Variants in PARP8 observed in about 807,000 individuals in gnomAD.
The protein encoded by PARP8 is poly(ADP-ribose) polymerase family member 8, also known as protein mono-ADP-ribosyltransferase PARP8.
Under a neutral mutation model 124.1 loss-of-function variants are expected in PARP8, and 51 were observed. The ratio of observed to expected loss-of-function variants is 0.41; its 90% CI spans 0.33 to 0.52. The LOEUF is 0.52. PARP8 is among the 20% of genes least tolerant of loss of function. The pLI, the probability that PARP8 is intolerant of heterozygous loss-of-function variation, is 0.21. For missense variants in PARP8, 860 were observed against 1,018.9 expected (o/e 0.84, Z 2.12); for synonymous variants, 391 against 361.5 (o/e 1.08, Z -0.93).
At chr5:50,698,079 G>A (rs1451321479) in intron 2 of PARP8, among the ~76,000 whole-genome samples, 1 of 152,126 alleles carries the variant, frequency 6.6e-6, no homozygotes, top group Admixed American at 6.5e-5. Context: ...TACACATTTA[G>A]ATATGACTAT....
intron 12 of PARP8, among the ~76,000 whole-genome samples, chr5:50,796,248 G>T (rs570910134): frequency 6.6e-6 from 1 of 152,126 alleles, no homozygotes; most frequent in South Asian, 2.1e-4. Context: ...TAAACACTCA[G>T]CAAGAGATGA....
At chr5:50,721,170 G>C (rs907911835) in intron 2 of PARP8, among the ~76,000 whole-genome samples, 1 of 151,556 alleles carries the variant, frequency 6.6e-6, no homozygotes, top group Non-Finnish European at 1.5e-5. Flanking sequence ...ATAGCCTTCA[G>C]TGTGAAACTT....
intron 2 of PARP8, among the ~76,000 whole-genome samples, chr5:50,701,845 T>G (rs1164629505): frequency 1.3e-5 from 2 of 152,160 alleles, no homozygotes; most frequent in Non-Finnish European, 2.9e-5. Context: ...TTAGAAATTC[T>G]TCGTTTCTTA....
At position 50,794,933 on chromosome 5, in the gene PARP8, A is replaced by G. The variant is rs1171277291; in HGVS notation, c.944A>G (p.His315Arg). ...GAGCAGGACGGAATCTCCAAAACGCATAAGCTGCTGCGGAGGACTTGTTCC... is the reference window on the plus strand; with the variant it reads ...GAGCAGGACGGAATCTCCAAAACGCGTAAGCTGCTGCGGAGGACTTGTTCC... ...KSEQDGISKTHKLLRRTCSST... is the reference protein window; with the variant it reads ...KSEQDGISKTRKLLRRTCSST... Residue 315 changes from histidine (H) to arginine (R), a missense_variant, in exon 12 of 26, where the codon CAT becomes CGT. Physicochemically the swap from His to Arg is conservative, Grantham distance 29 (BLOSUM62 0). This residue lies in a region of PARP8 where 517 missense variants were observed against 544.2 expected (regional missense o/e 0.95). Coordinates refer to ENST00000281631, the MANE Select transcript of PARP8 (RefSeq NM_024615.4). 3.1e-6 allele frequency: 5 copies of G among 1,614,102 alleles called. No individual in the cohort carries two copies. In the African/African-American group the frequency reaches 5.3e-5, roughly 17 times the overall value.
intron 25 of PARP8, among the ~76,000 whole-genome samples, chr5:50,841,659 C>T (rs934075066): frequency 3.3e-5 from 5 of 151,532 alleles, no homozygotes; most frequent in Admixed American, 6.6e-5. Context: ...TAGTAGACTT[C>T]GTAGCAGCTG....
intron 3 of PARP8, among the ~76,000 whole-genome samples, chr5:50,756,057 C>T (rs1403280505): frequency 2.6e-5 from 4 of 152,120 alleles, no homozygotes; most frequent in Admixed American, 6.5e-5. Context: ...GCTGAAGTTG[C>T]TTATCAGCTT....
At chr5:50,777,980 G>A in intron 7 of PARP8, 89 bp from the exon 8 acceptor site, 1 of 943,636 alleles carries the variant, frequency 1.1e-6, no homozygotes, top group South Asian at 1.5e-5. Flanking sequence ...GAGAATTAGT[G>A]ATTTAAAATT....
rs1271939113 is a variant in PARP8, at chr5:50,759,674, T to A, written c.216T>A (p.Asp72Glu). ...CATATGTGTCAAGTTCAGAGAATGA[T>A]GAAGATGTGCTAGTTACTACAGAGC... Reference protein sequence around the residue: ...DNTYVSSSENDEDVLVTTEPI... With the variant: ...DNTYVSSSENEEDVLVTTEPI... Residue 72 changes from aspartate (D) to glutamate (E), a missense_variant, in exon 4 of 26, where the codon GAT becomes GAA. By Grantham distance (45) the Asp-to-Glu change is conservative. Around this residue, in one of 2 missense-constraint regions of PARP8, gnomAD observed 517 missense variants for 544.2 expected, o/e 0.95. Transcript: ENST00000281631. 2 of 1,577,600 alleles carry A rather than the reference T, an allele frequency of 1.3e-6. No homozygotes were observed. Among genetic ancestry groups the A allele is most frequent in the Admixed American group, 3.8e-5 (2 of 53,158 alleles).
At chr5:50,720,953 G>T (rs1412839953) in intron 2 of PARP8, among the ~76,000 whole-genome samples, 4 of 151,880 alleles carry the variant, frequency 2.6e-5, no homozygotes, top group Admixed American at 2.6e-4. Context: ...GAAACCTTCA[G>T]CTTGGAGCCC....
intron 2 of PARP8, among the ~76,000 whole-genome samples, chr5:50,705,934 C>G (rs903782307): frequency 6.6e-6 from 1 of 152,132 alleles, no homozygotes; most frequent in African/African-American, 2.4e-5. Flanking sequence ...GGTTTTCACC[C>G]ATTTATCATG....
chr5:50,739,728 ATATAT>A (rs1475381495), intron 2 of PARP8, among the ~76,000 whole-genome samples: 20 of 59,320 alleles, frequency 3.4e-4, no homozygotes, highest in African/African-American at 8.3e-4. Flanking sequence ...ATATATATAT[ATATAT>A]TTTTTTTTTT....
chr5:50,832,875 A>T, intron 23 of PARP8, 21 bp downstream of exon 23: 2 of 1,608,562 alleles, frequency 1.2e-6, no homozygotes, highest in Non-Finnish European at 8.5e-7. Context: ...GACTTTAGTG[A>T]CTGCTTATGA....
chr5:50,670,843 G>A (rs1355137533), intron 2 of PARP8, among the ~76,000 whole-genome samples: 2 of 152,180 alleles, frequency 1.3e-5, no homozygotes, highest in African/African-American at 2.4e-5. Flanking sequence ...AAAAAATTAT[G>A]TAGAGACATA....
intron 7 of PARP8, among the ~76,000 whole-genome samples, chr5:50,764,832 G>C (rs901857429): frequency 2.0e-5 from 3 of 147,450 alleles, no homozygotes; most frequent in Non-Finnish European, 3.0e-5. Flanking sequence ...TTTTTTAACA[G>C]TAATTGAACT....
chr5:50,747,150 G>GTTTTTTTT lies in PARP8; in HGVS notation c.147-2998_147-2997insTTTTTTTT, dbSNP rs1561320439. ...TACTTATTCAGTTATGGTTTTTTTTGTTTGTTTGTTTTGTTTTTTTTTTTT... is the reference window on the plus strand; with the variant it reads ...TACTTATTCAGTTATGGTTTTTTTTGTTTTTTTTTTTGTTTGTTTTGTTTTTTTTTTTT... On this transcript the variant is annotated intron_variant, in intron 2 of 25. Coordinates refer to ENST00000281631, the MANE Select transcript of PARP8 (RefSeq NM_024615.4). 2.0e-3 allele frequency among the ~76,000 whole-genome samples: 77 copies of GTTTTTTTT among 38,458 alleles called. 2 individuals are homozygous for GTTTTTTTT. Among genetic ancestry groups the GTTTTTTTT allele is most frequent in the African/African-American group, 5.1e-3 (73 of 14,356 alleles). The allele number at this position is 38,458 out of a possible 152,430, so 25.2% of individuals were successfully genotyped here. A position where few individuals can be genotyped will look rare whatever the true frequency, so the allele number is the denominator to read the frequency against.
chr5:50,744,162 C>G (rs909696050), intron 2 of PARP8, among the ~76,000 whole-genome samples: 2 of 152,174 alleles, frequency 1.3e-5, no homozygotes, highest in African/African-American at 2.4e-5. Context: ...AAGATTCTTT[C>G]ATCTTCAAGC....
At chr5:50,799,845 A>G (rs1291769025) in intron 14 of PARP8, among the ~76,000 whole-genome samples, 1 of 152,164 alleles carries the variant, frequency 6.6e-6, no homozygotes, top group Admixed American at 6.5e-5. Context: ...ATGAAAGGAC[A>G]CAGCAAGAAG....
rs375649231 is a variant in PARP8 at position 50,818,897 on chromosome 5, G to C, written c.1669-2316G>C. 2.6e-5 allele frequency among the ~76,000 whole-genome samples: 4 copies of C among 152,330 alleles called. No homozygotes were observed. The South Asian group carries it at 6.2e-4, about 24-fold the overall frequency. The stretch of plus-strand genomic sequence containing the variant: ...TAGAATGTTTGATGGGCCACTTTCT[G>C]TGTGGTGACCGGGGGGACTGGACCC... On this transcript the variant is annotated intron_variant, in intron 15 of 25. Transcript: ENST00000281631.
rs551403007 is a variant in PARP8, at chr5:50,781,858, A to G, written c.670+3208A>G. Among the ~76,000 whole-genome samples, 208 of 152,234 alleles carry G rather than the reference A, an allele frequency of 1.4e-3. 1 individual carries two copies. The highest frequency in any genetic ancestry group is 5.0e-3 in the African/African-American group (206 of 41,532). On this transcript the variant is annotated intron_variant, in intron 9 of 25. Transcript: ENST00000281631. The stretch of plus-strand genomic sequence containing the variant: ...CCTACAAGATGGGGTGGAAACTAGA[A>G]CTTTCCCTGGATTTGTACCCTTGCT...
Sources: allele counts gnomAD v4.1 joint callset (sites outside exome capture counted in the v4.1 genomes callset), GRCh38; gene constraint gnomAD v4.1.1; regional missense constraint gnomAD v4.1.1; transcripts MANE v1.5; gene names NCBI Gene and HGNC (gene_info 2026-07-23, HGNC 2026-07-21).